MTMR7: variants seen among roughly 807,000 people sequenced by gnomAD.
MTMR7 encodes the protein phosphatidylinositol-3-phosphate phosphatase MTMR7.
Under a neutral mutation model 81.2 loss-of-function variants are expected in MTMR7, and 76 were observed. The ratio of observed to expected loss-of-function variants is 0.94; its 90% CI spans 0.78 to 1.13. MTMR7 has a LOEUF of 1.13. MTMR7 is among the 50% of genes most tolerant of loss of function. The probability of loss-of-function intolerance (pLI) is 0.00; values close to 1 mark genes in which losing one functional copy is unlikely to be tolerated. For synonymous variants in MTMR7, 372 were observed against 289.8 expected (o/e 1.28, Z -2.88); for missense variants, 1,044 against 820.0 (o/e 1.27, Z -3.34).
chr8:17,363,206 T>A (rs1389701183), intron 3 of MTMR7, among the ~76,000 whole-genome samples: 3 of 152,222 alleles, frequency 2.0e-5, no homozygotes, highest in African/African-American at 7.2e-5. Flanking sequence ...TGGCTCAACA[T>A]TGACACATCT....
intron 1 of MTMR7, among the ~76,000 whole-genome samples, chr8:17,392,647 CAT>C (rs1646490975): frequency 6.6e-6 from 1 of 152,174 alleles, no homozygotes; most frequent in Non-Finnish European, 1.5e-5. Context: ...TCCTAAAATC[CAT>C]GTGTTTGACG....
At chr8:17,371,452 A>T (rs1295415968) in intron 2 of MTMR7, among the ~76,000 whole-genome samples, 1 of 152,252 alleles carries the variant, frequency 6.6e-6, no homozygotes, top group Admixed American at 6.5e-5. Flanking sequence ...CATTCAGCAT[A>T]TAAATTTGCA....
chr8:17,390,269 G>A (rs1261378530), intron 1 of MTMR7, among the ~76,000 whole-genome samples: 1 of 150,866 alleles, frequency 6.6e-6, no homozygotes, highest in African/African-American at 2.4e-5. Flanking sequence ...GGCAAAGGGG[G>A]AGTGAAGCTT....
At chr8:17,372,412 C>A (rs1820446481) in intron 2 of MTMR7, among the ~76,000 whole-genome samples, 1 of 151,976 alleles carries the variant, frequency 6.6e-6, no homozygotes, top group Non-Finnish European at 1.5e-5. Context: ...ATAGTGAAAC[C>A]CTGCCTCTAC....
chr8:17,313,276 C>T lies in MTMR7; in HGVS notation c.975+16G>A. On this transcript the variant is annotated intron_variant, in intron 8 of 13. Coordinates refer to ENST00000180173, the MANE Select transcript of MTMR7 (RefSeq NM_004686.5). The stretch of plus-strand genomic sequence containing the variant: ...GCTCATCTGTCCCTTAATTTATTTT[C>T]TCTGCAATTGCATACCTTTGCAATG... The T allele has an allele frequency of 6.3e-7, 1 of 1,578,344 alleles. No individual in the cohort carries two copies. The highest frequency in any genetic ancestry group is 8.7e-7 in the Non-Finnish European group (1 of 1,150,002).
intron 1 of MTMR7, among the ~76,000 whole-genome samples, chr8:17,380,315 CA>C (rs1412273066): frequency 6.6e-5 from 10 of 152,168 alleles, no homozygotes; most frequent in African/African-American, 2.4e-4. Flanking sequence ...ATGCACTGCA[CA>C]ATCACTCTAT....
intron 7 of MTMR7, among the ~76,000 whole-genome samples, chr8:17,319,659 A>G (rs1818279957): frequency 6.6e-6 from 1 of 152,216 alleles, no homozygotes; most frequent in Non-Finnish European, 1.5e-5. Flanking sequence ...ATTCTGAGGA[A>G]GGCACTTATT....
rs184344336 is a variant in MTMR7, at chr8:17,374,855, T to C, written c.25-1615A>G. On this transcript the variant is annotated intron_variant, in intron 1 of 13. Coordinates refer to ENST00000180173, the MANE Select transcript of MTMR7 (RefSeq NM_004686.5). ...CAGGCACGGTGGCTCACGCCTGTAA[T>C]CCCAGCACTTTGATCATGAGGTCGG... is the stretch of plus-strand genomic sequence containing the variant. Among the ~76,000 whole-genome samples, 1,245 of 151,688 alleles carry C rather than the reference T, an allele frequency of 8.2e-3. 18 individuals carry two copies. Among genetic ancestry groups the C allele is most frequent in the African/African-American group, 0.028 (1,174 of 41,344 alleles).
At chr8:17,344,330 A>G (rs1003341081) in intron 5 of MTMR7, among the ~76,000 whole-genome samples, 6 of 152,198 alleles carry the variant, frequency 3.9e-5, no homozygotes, top group Non-Finnish European at 8.8e-5. Context: ...TACAGCATAA[A>G]GCCAGGCACA....
At chr8:17,359,045 C>T (rs909540265) in intron 4 of MTMR7, among the ~76,000 whole-genome samples, 4 of 152,052 alleles carry the variant, frequency 2.6e-5, no homozygotes, top group Non-Finnish European at 5.9e-5. Context: ...AGGTGCACAC[C>T]TCCATGTCCA....
intron 1 of MTMR7, among the ~76,000 whole-genome samples, chr8:17,379,812 A>T (rs1820705411): frequency 6.6e-6 from 1 of 152,036 alleles, no homozygotes; most frequent in African/African-American, 2.4e-5. Context: ...TGTTTTTTTA[A>T]TTAGGTAGTG....
rs144206696 is a variant in MTMR7, at chr8:17,305,956, A to T, written c.1153T>A (p.Tyr385Asn). The change falls in exon 11 of 14, where the codon TAT becomes AAT. Residue 385 changes from tyrosine (Y) to asparagine (N), a missense_variant and splice_region_variant. Transcript: ENST00000180173. ...ISFGHKFNHR[Y>N]GNLDGDPKEI... is the part of the protein sequence containing the mutation. Reference sequence around the variant, plus strand: ...TTTGGGTCACCATCTAGATTGCCATATCTATAAAACAAAGCATTAGAGACT... The same window carrying T: ...TTTGGGTCACCATCTAGATTGCCATTTCTATAAAACAAAGCATTAGAGACT... 4.7e-4 allele frequency: 752 copies of T among 1,611,502 alleles called. 2 individuals carry two copies. Among genetic ancestry groups the T allele is most frequent in the Middle Eastern group, 2.3e-3 (14 of 6,066 alleles).
chr8:17,406,383 G>A (rs960764719), intron 1 of MTMR7, among the ~76,000 whole-genome samples: 13 of 152,114 alleles, frequency 8.5e-5, no homozygotes, highest in Admixed American at 1.3e-4. Flanking sequence ...ATAAGCACAC[G>A]AAAACATGCT....
intron 1 of MTMR7, among the ~76,000 whole-genome samples, chr8:17,397,087 A>G (rs543078090): frequency 7.4e-4 from 113 of 152,142 alleles, no homozygotes; most frequent in African/African-American, 2.5e-3. Context: ...GGTAGTACAC[A>G]GTGGGCCTTG....
At chr8:17,344,099 C>T (rs1414674982) in intron 5 of MTMR7, among the ~76,000 whole-genome samples, 4 of 152,020 alleles carry the variant, frequency 2.6e-5, no homozygotes, top group African/African-American at 2.4e-5. Flanking sequence ...TTTAATTAGC[C>T]TAATTATCAT....
chr8:17,350,452 G>A (rs1229540837), intron 4 of MTMR7, among the ~76,000 whole-genome samples: 5 of 152,138 alleles, frequency 3.3e-5, no homozygotes, highest in Admixed American at 1.3e-4. Flanking sequence ...TAAAGCATTA[G>A]ATCTTGTGAG....
In MTMR7 at chr8:17,297,553, T is replaced by C. The variant is rs1380406983; in HGVS notation, c.*2309A>G. ...TTTGCTGGGTCATGGTCAAAATTCT[T>C]ACCTATTTATTTCATATCAACTTTA... On this transcript the variant is annotated 3_prime_UTR_variant, in exon 14 of 14. Coordinates refer to ENST00000180173, the MANE Select transcript of MTMR7 (RefSeq NM_004686.5). 4.4e-5 allele frequency: 5 copies of C among 113,816 alleles called. No individual in the cohort carries two copies. Among genetic ancestry groups the C allele is most frequent in the African/African-American group, 2.2e-4 (5 of 22,596 alleles). The allele number at this position is 113,816 out of a possible 1,614,324, so 7.1% of individuals were successfully genotyped here.
At chr8:17,387,077 AG>A (rs1405351977) in intron 1 of MTMR7, among the ~76,000 whole-genome samples, 3 of 152,200 alleles carry the variant, frequency 2.0e-5, no homozygotes, top group Admixed American at 6.5e-5. Context: ...CCGGCTAAAC[AG>A]GTTCCTCCTT....
intron 9 of MTMR7, among the ~76,000 whole-genome samples, chr8:17,310,884 G>C (rs903680221): frequency 6.6e-6 from 1 of 151,980 alleles, no homozygotes; most frequent in African/African-American, 2.4e-5. Flanking sequence ...TACCAGATTA[G>C]TGAAAACTTC....
Sources: allele counts gnomAD v4.1 joint callset (sites outside exome capture counted in the v4.1 genomes callset), GRCh38; gene constraint gnomAD v4.1.1; transcripts MANE v1.5; gene names NCBI Gene and HGNC (gene_info 2026-07-23, HGNC 2026-07-21).